RELN: variants seen among roughly 807,000 people sequenced by gnomAD.
RELN encodes reelin.
RELN carries 108 observed loss-of-function variants against 427.6 expected under a neutral mutation model. The ratio of observed to expected loss-of-function variants is 0.25; its 90% CI spans 0.22 to 0.30. The LOEUF (loss-of-function observed/expected upper bound fraction) is 0.30, where lower values mean the gene tolerates loss of function less well. Ranked by LOEUF, RELN falls within the 10% of genes least tolerant of loss-of-function variation. RELN has a pLI of 1.00. For synonymous variants in RELN, 1,524 were observed against 1,513.4 expected, an observed-to-expected ratio of 1.01 and a Z score of -0.16; for missense variants, 3,715 against 4,302.8, an observed-to-expected ratio of 0.86 and a Z score of 3.82.
intron 46 of RELN, among the ~76,000 whole-genome samples, chr7:103,524,601 T>C (rs1829783214): frequency 6.6e-6 from 1 of 152,216 alleles, no homozygotes; most frequent in African/African-American, 2.4e-5. Flanking sequence ...TTGTGTTTAT[T>C]GATCCATATA....
intron 3 of RELN, among the ~76,000 whole-genome samples, chr7:103,803,492 T>C (rs181736200): frequency 6.2e-4 from 95 of 152,224 alleles, no homozygotes; most frequent in Middle Eastern, 3.4e-3. Flanking sequence ...GGAGTGATGA[T>C]AATTGCAAAT....
intron 1 of RELN, among the ~76,000 whole-genome samples, chr7:103,961,843 G>C (rs1796561938): frequency 6.6e-6 from 1 of 152,178 alleles, no homozygotes; most frequent in Non-Finnish European, 1.5e-5. Context: ...GGGTGTCTGA[G>C]AGTAGGAAGC....
At chr7:103,617,137 A>G (rs1203798837) in intron 20 of RELN, among the ~76,000 whole-genome samples, 1 of 152,154 alleles carries the variant, frequency 6.6e-6, no homozygotes, top group African/African-American at 2.4e-5. Flanking sequence ...AGAAGTTTAG[A>G]AGCTATTCAT....
chr7:103,745,142 T>C (rs1790784056), intron 6 of RELN, among the ~76,000 whole-genome samples: 1 of 152,088 alleles, frequency 6.6e-6, no homozygotes. Context: ...ATCCAGCATA[T>C]AAACAGAACC....
At chr7:103,550,870 A>G (rs1331746901) in intron 41 of RELN, among the ~76,000 whole-genome samples, 197 bp downstream of exon 41, 1 of 152,184 alleles carries the variant, frequency 6.6e-6, no homozygotes, top group Non-Finnish European at 1.5e-5. Flanking sequence ...TGTCCTGTTC[A>G]AATCTACCTT....
At chr7:103,512,167 C>T (rs1208924447) in intron 50 of RELN, among the ~76,000 whole-genome samples, 1 of 151,274 alleles carries the variant, frequency 6.6e-6, no homozygotes, top group Non-Finnish European at 1.5e-5. Flanking sequence ...ATTCATTTCC[C>T]CTTTCTCCAG....
At chr7:103,907,982 T>C (rs892371865) in intron 2 of RELN, among the ~76,000 whole-genome samples, 7 of 151,980 alleles carry the variant, frequency 4.6e-5, no homozygotes, top group African/African-American at 1.7e-4. Context: ...CAGGCCCCAG[T>C]GTGTGACGTT....
chr7:103,924,979 T>G lies in RELN; in HGVS notation c.227-7794A>C, dbSNP rs569045415. Reference sequence around the variant, plus strand: ...ACTCTCTCTCTGACACACGTGTGCATGCGCATACACATACACACACACACA... The same window carrying G: ...ACTCTCTCTCTGACACACGTGTGCAGGCGCATACACATACACACACACACA... On this transcript the variant is annotated intron_variant, in intron 1 of 64. Coordinates refer to ENST00000428762, the MANE Select transcript of RELN (RefSeq NM_005045.4). Among the ~76,000 whole-genome samples the G allele has an allele frequency of 2.0e-3, 261 of 133,202 alleles. 2 individuals are homozygous for G. The highest frequency in any genetic ancestry group is 6.9e-3 in the African/African-American group (252 of 36,502). The allele number at this position is 133,202 out of a possible 152,430, so 87.4% of individuals were successfully genotyped here. A position where few individuals can be genotyped will look rare whatever the true frequency, so the allele number is the denominator to read the frequency against.
At chr7:103,723,389 G>T (rs1287986975) in intron 7 of RELN, among the ~76,000 whole-genome samples, 198 bp from the exon 8 acceptor site, 1 of 152,144 alleles carries the variant, frequency 6.6e-6, no homozygotes, top group African/African-American at 2.4e-5. Context: ...CCCCTGTGGG[G>T]AATAAAGAAG....
intron 43 of RELN, among the ~76,000 whole-genome samples, 168 bp downstream of exon 43, chr7:103,542,563 G>A (rs756178446): frequency 1.3e-5 from 2 of 152,130 alleles, no homozygotes; most frequent in Non-Finnish European, 2.9e-5. Context: ...TTTTAGAATA[G>A]AAATTATGTA....
chr7:103,535,928 C>T (rs1584272549), intron 45 of RELN, among the ~76,000 whole-genome samples: 1 of 116,654 alleles, frequency 8.6e-6, no homozygotes, highest in Admixed American at 9.2e-5. Context: ...TAGTATAATA[C>T]TTAAAAATTA....
At chr7:103,556,128 T>G (rs928494512) in intron 38 of RELN, among the ~76,000 whole-genome samples, 4 of 152,218 alleles carry the variant, frequency 2.6e-5, no homozygotes, top group Non-Finnish European at 5.9e-5. Flanking sequence ...TCACTTTAAC[T>G]TATCACTGAA....
chr7:103,604,915 C>T (rs145483943), intron 22 of RELN, among the ~76,000 whole-genome samples: 149 of 150,628 alleles, frequency 9.9e-4, no homozygotes, highest in Admixed American at 2.8e-3. Context: ...CTGCAACATC[C>T]GCCTCCTGGG....
rs4301377 is a variant in RELN at position 103,968,807 on chromosome 7, A to G, written c.226+20324T>C. Among the ~76,000 whole-genome samples the G allele has an allele frequency of 6.6e-6, 1 of 152,204 alleles. No homozygotes were observed. Among genetic ancestry groups the G allele is most frequent in the African/African-American group, 2.4e-5 (1 of 41,458 alleles). On this transcript the variant is annotated intron_variant, in intron 1 of 64. Transcript: ENST00000428762. This position sits in a 1 kb window ranked among gnomAD's most constrained non-coding sequence, Gnocchi z 4.3. ...ACCATTGACATTCTGCCTAACAACAACAAAAACAATTACAGACAAAACTTC... is the reference window on the plus strand; with the variant it reads ...ACCATTGACATTCTGCCTAACAACAGCAAAAACAATTACAGACAAAACTTC...
intron 4 of RELN, among the ~76,000 whole-genome samples, chr7:103,773,238 C>CGT (rs1791635877): frequency 1.8e-5 from 1 of 56,824 alleles, no homozygotes; most frequent in African/African-American, 1.3e-4. Flanking sequence ...TCGCTCCCTC[C>CGT]CTGTCTCTCT....
At chr7:103,492,762 G>A (rs185068230) in intron 57 of RELN, among the ~76,000 whole-genome samples, 1 of 152,266 alleles carries the variant, frequency 6.6e-6, no homozygotes, top group Admixed American at 6.5e-5. Flanking sequence ...GATAGTATTT[G>A]ATTCAGTGGA....
At chr7:103,702,432 A>T (rs1834113747) in intron 8 of RELN, among the ~76,000 whole-genome samples, 1 of 152,254 alleles carries the variant, frequency 6.6e-6, no homozygotes, top group South Asian at 2.1e-4. Context: ...GAAAGCATTC[A>T]ACAAATGATA....
At chr7:103,789,971 T>C (rs1792118118) in intron 3 of RELN, among the ~76,000 whole-genome samples, 1 of 152,162 alleles carries the variant, frequency 6.6e-6, no homozygotes, top group Non-Finnish European at 1.5e-5. Flanking sequence ...AAAGAAAATG[T>C]GGGACATATA....
Position 103,592,273 on chromosome 7 carries a change from G to A in RELN, c.3912+1409C>T, listed in dbSNP as rs561892965. ...CTCATTGTTTAGCTGCCACTTACAA[G>A]TGAGAACATGTGGCATCTGTTTTTC... is the stretch of plus-strand genomic sequence containing the variant. On this transcript the variant is annotated intron_variant, in intron 27 of 64. Transcript: ENST00000428762. Among the ~76,000 whole-genome samples the A allele has an allele frequency of 2.6e-5, 4 of 152,224 alleles. No homozygotes were observed. The East Asian group carries it at 5.8e-4, about 22-fold the overall frequency.
Sources: gnomAD v4.1 joint callset for allele counts (sites outside exome capture counted in the v4.1 genomes callset) on GRCh38, gnomAD v4.1.1 for gene constraint, Gnocchi (gnomAD v3.1) non-coding constraint, MANE v1.5 for transcripts, NCBI Gene and HGNC (gene_info 2026-07-23, HGNC 2026-07-21) for gene names.